Variants in NDRG2 observed in about 807,000 individuals in gnomAD.
NDRG2 encodes the protein NDRG family member 2, also known as protein NDRG2.
Under a neutral mutation model 58.2 loss-of-function variants are expected in NDRG2, and 34 were observed. The ratio of observed to expected loss-of-function variants is 0.58; its 90% confidence interval spans 0.44 to 0.78. The LOEUF (loss-of-function observed/expected upper bound fraction) is 0.78, where lower values mean the gene tolerates loss of function less well. Among genes scored for constraint, NDRG2 ranks in the 30% least tolerant of loss-of-function variants. NDRG2 has a pLI of 0.00. For synonymous variants in NDRG2, 187 were observed against 175.9 expected, an observed-to-expected ratio of 1.06 and a Z score of -0.50; for missense variants, 434 against 471.2, an observed-to-expected ratio of 0.92 and a Z score of 0.73.
chr14:21,057,217 C>G (rs1278370129), intron 1 of NDRG2, among the ~76,000 whole-genome samples: 1 of 151,952 alleles, frequency 6.6e-6, no homozygotes, highest in African/African-American at 2.4e-5. Context: ...GGTGGATCAC[C>G]TGAGGTCAGG....
chr14:21,019,368 C>G lies in NDRG2; in HGVS notation c.717-208G>C, dbSNP rs200858160. Among the ~76,000 whole-genome samples the G allele has an allele frequency of 1.6e-4, 25 of 152,186 alleles. No homozygotes were observed. In the East Asian group the frequency reaches 4.5e-3, roughly 27 times the overall value. On this transcript the variant is annotated intron_variant, in intron 10 of 15. Coordinates refer to ENST00000556147, the MANE Select transcript of NDRG2 (RefSeq NM_001320329.2). ...GTGCCCTAGATCCCTGGTCAGAGGG[C>G]AACAAAAGGGGAGGAAGGACACAGG... is the stretch of plus-strand genomic sequence containing the variant.
At chr14:21,022,778 G>A (rs1053890480) in intron 3 of NDRG2, 86 bp downstream of exon 3, 8 of 1,360,866 alleles carry the variant, frequency 5.9e-6, no homozygotes, top group Non-Finnish European at 8.2e-6. Context: ...AGCAAAGAGA[G>A]AAGAGAGGGC....
intron 1 of NDRG2, chr14:21,035,788 A>G (rs1010030466): frequency 2.2e-5 from 10 of 456,084 alleles, no homozygotes; most frequent in African/African-American, 1.6e-4. Context: ...TGTTTTGTCA[A>G]CTCAGTTTCC....
chr14:21,033,612 G>T, intron 1 of NDRG2: 1 of 597,528 alleles, frequency 1.7e-6, no homozygotes, highest in Non-Finnish European at 3.0e-6. Context: ...GGGCGAAGAG[G>T]GGGTAAACAA....
intron 1 of NDRG2, among the ~76,000 whole-genome samples, chr14:21,062,886 G>A (rs1229893809): frequency 2.0e-5 from 3 of 151,424 alleles, no homozygotes; most frequent in Non-Finnish European, 4.4e-5. Flanking sequence ...GGCTGAGGCA[G>A]GAGGATCAAT....
intron 1 of NDRG2, among the ~76,000 whole-genome samples, chr14:21,057,634 T>TATATAC (rs1024098195): frequency 6.7e-6 from 1 of 148,356 alleles, no homozygotes; most frequent in African/African-American, 2.5e-5. Flanking sequence ...TATATATATA[T>TATATAC]ATGTGAGAAG....
intron 3 of NDRG2, 95 bp downstream of exon 3, chr14:21,022,769 G>A (rs543405020): frequency 2.4e-6 from 3 of 1,254,344 alleles, no homozygotes; most frequent in East Asian, 5.0e-5. Context: ...AGGAAAGAAA[G>A]CAAAGAGAGA....
rs1204476666 is a variant in NDRG2 at position 21,024,385 on chromosome 14, C to G, written c.-362G>C. The G allele has an allele frequency of 7.6e-6, 7 of 919,676 alleles. No homozygotes were observed. The East Asian group carries it at 7.0e-4, about 93-fold the overall frequency. 57.0% of individuals were successfully genotyped at this position (919,676 alleles called of 1,614,324 possible). On this transcript the variant is annotated 5_prime_UTR_variant, in exon 1 of 16. Transcript: ENST00000556147. ...TGTCAGAACCTCCGGATTCGAATCC[C>G]GGCTCTGCCACTCCCAGTGTGACCT...
rs779604888 is a variant in NDRG2 at position 21,070,791 on chromosome 14, T to C, written c.24+37A>G. The stretch of plus-strand genomic sequence containing the variant: ...CTGCGGGTTGGTCCTGCAGCGACCC[T>C]GGAAGAGGCCCGGCCCCTCGGGTCA... On this transcript the variant is annotated intron_variant, in intron 1 of 14. Coordinates refer to the NDRG2 transcript ENST00000403829. This position sits in a 1 kb window ranked among gnomAD's most constrained non-coding sequence, Gnocchi z 4.7. 1 of 1,534,438 alleles carries C rather than the reference T, an allele frequency of 6.5e-7. No individual in the cohort carries two copies. The highest frequency in any genetic ancestry group is 1.2e-5 in the South Asian group (1 of 84,008).
chr14:21,050,685 A>C (rs1358930038), intron 1 of NDRG2, among the ~76,000 whole-genome samples: 1 of 152,222 alleles, frequency 6.6e-6, no homozygotes. Flanking sequence ...TGAGTGTTTT[A>C]TATGCTATCT....
chr14:21,062,132 G>A (rs1885993754), intron 1 of NDRG2, among the ~76,000 whole-genome samples: 1 of 152,162 alleles, frequency 6.6e-6, no homozygotes, highest in South Asian at 2.1e-4. Context: ...CTTTAACATA[G>A]GAAACATAAG....
At chr14:21,067,985 T>TCTCCATGAAAAAAAAAAA (rs1566514089) in intron 1 of NDRG2, among the ~76,000 whole-genome samples, 6 of 4,288 alleles carry the variant, frequency 1.4e-3, no homozygotes, top group African/African-American at 7.7e-3. Context: ...CTCCCCTTTT[T>TCTCCATGAAAAAAAAAAA]TTTTTTTTTT....
intron 1 of NDRG2, among the ~76,000 whole-genome samples, chr14:21,058,935 T>G (rs1455091467): frequency 7.3e-6 from 1 of 136,980 alleles, no homozygotes; most frequent in Non-Finnish European, 1.7e-5. Flanking sequence ...CCTGAAACAC[T>G]TACTTCTGTG....
intron 4 of NDRG2, 35 bp from the exon 5 acceptor site, chr14:21,022,217 CAG>C: frequency 6.2e-7 from 1 of 1,614,016 alleles, no homozygotes; most frequent in South Asian, 1.1e-5. Context: ...ACAATAGAAT[CAG>C]ACAGGGACTC....
chr14:21,022,171 A>G lies in NDRG2; in HGVS notation c.235T>C (p.Phe79Leu), dbSNP rs1880831688. 2 of 1,614,238 alleles carry G rather than the reference A, an allele frequency of 1.2e-6. No homozygotes were observed. Among genetic ancestry groups the G allele is most frequent in the Non-Finnish European group, 1.7e-6 (2 of 1,180,046 alleles). ...TCCTCGAACTGAAACAGTGGCTGGAAGCAAGATTTATCTAAAGAGAACCCA... is the reference window on the plus strand; with the variant it reads ...TCCTCGAACTGAAACAGTGGCTGGAGGCAAGATTTATCTAAAGAGAACCCA... ...HDVGLNYKSCFQPLFQFEDMQ... is the reference protein window; with the variant it reads ...HDVGLNYKSCLQPLFQFEDMQ... The change falls in exon 5 of 16, where the codon TTC becomes CTC. Residue 79 changes from phenylalanine (F) to leucine (L), a missense_variant. Physicochemically the swap from Phe to Leu is conservative, Grantham distance 22. Transcript: ENST00000556147.
chr14:21,045,101 C>A (rs970083530), intron 1 of NDRG2, among the ~76,000 whole-genome samples: 1 of 152,160 alleles, frequency 6.6e-6, no homozygotes, highest in African/African-American at 2.4e-5. Flanking sequence ...GTAGCAATAT[C>A]CATCTTTGGA....
chr14:21,017,815 GC>G (rs1174778846), intron 15 of NDRG2, 53 bp from the exon 16 acceptor site: 13 of 1,605,228 alleles, frequency 8.1e-6, no homozygotes, highest in Non-Finnish European at 1.1e-5. Flanking sequence ...GGGAAGGGGG[GC>G]TGGCGACTCA....
intron 1 of NDRG2, among the ~76,000 whole-genome samples, chr14:21,059,915 TAC>T (rs1885871050): frequency 6.6e-6 from 1 of 152,080 alleles, no homozygotes; most frequent in African/African-American, 2.4e-5. Context: ...TATACACATA[TAC>T]ACACACACAT....
At chr14:21,023,811 G>A in intron 1 of NDRG2, 1 of 268,146 alleles carries the variant, frequency 3.7e-6, no homozygotes, top group Non-Finnish European at 5.8e-6. Context: ...GCTCAAAGGG[G>A]GCTAAAAATG....
Sources: gnomAD v4.1 joint callset for allele counts (sites outside exome capture counted in the v4.1 genomes callset) on GRCh38, gnomAD v4.1.1 for gene constraint, Gnocchi (gnomAD v3.1) non-coding constraint, MANE v1.5 for transcripts, NCBI Gene and HGNC (gene_info 2026-07-23, HGNC 2026-07-21) for gene names.